Variants in SMYD3 observed in about 807,000 individuals in gnomAD.
SMYD3 encodes SET and MYND domain containing 3.
In SMYD3, 36 loss-of-function variants were observed where a neutral mutation model predicts 57.7. That is an observed-to-expected ratio of 0.62 (90% confidence interval 0.48 to 0.82). SMYD3 has a LOEUF of 0.82. SMYD3 is among the 40% of genes least tolerant of loss of function. The probability of loss-of-function intolerance (pLI) is 0.00; values close to 1 mark genes in which losing one functional copy is unlikely to be tolerated. For synonymous variants in SMYD3, 211 were observed against 195.0 expected, an observed-to-expected ratio of 1.08 and a Z score of -0.68; for missense variants, 515 against 538.8, an observed-to-expected ratio of 0.96 and a Z score of 0.44.
At chr1:246,481,784 T>TATAG (rs1429243602) in intron 1 of SMYD3, among the ~76,000 whole-genome samples, 4 of 147,638 alleles carry the variant, frequency 2.7e-5, no homozygotes, top group African/African-American at 1.0e-4. Context: ...TATATATATA[T>TATAG]AGAGAGAGAG....
chr1:246,220,169 T>TA (rs1224422241), intron 5 of SMYD3, among the ~76,000 whole-genome samples: 2 of 152,166 alleles, frequency 1.3e-5, no homozygotes, highest in African/African-American at 4.8e-5. Context: ...AAATGGACAC[T>TA]ACCTCCTTCC....
chr1:246,102,755 A>AAT (rs1553289394), intron 5 of SMYD3, among the ~76,000 whole-genome samples: 2,063 of 146,928 alleles, frequency 0.014, 49 homozygotes, highest in African/African-American at 0.049. Flanking sequence ...AAAAAAAAAA[A>AAT]AATAATAATA....
intron 5 of SMYD3, among the ~76,000 whole-genome samples, chr1:246,323,703 T>G (rs1572379804): frequency 6.6e-6 from 1 of 152,120 alleles, no homozygotes. Flanking sequence ...TAGATAATTT[T>G]GAGATTTAGA....
At chr1:245,810,111 G>A (rs901693343) in intron 10 of SMYD3, among the ~76,000 whole-genome samples, 30 of 152,154 alleles carry the variant, frequency 2.0e-4, no homozygotes, top group African/African-American at 4.8e-5. Context: ...TGGGCAGGAG[G>A]CGGCCTTGTC....
intron 1 of SMYD3, among the ~76,000 whole-genome samples, chr1:246,427,515 G>A (rs1214025625): frequency 9.1e-5 from 8 of 87,870 alleles, no homozygotes; most frequent in East Asian, 7.1e-4. Flanking sequence ...GCGAGACTCC[G>A]TCTCAAAAAA....
At chr1:246,278,512 C>A (rs543506567) in intron 5 of SMYD3, among the ~76,000 whole-genome samples, 157 of 152,302 alleles carry the variant, frequency 1.0e-3, no homozygotes, top group African/African-American at 3.4e-3. Context: ...GGGGAAAGCC[C>A]TACCTGAGAA....
At chr1:246,283,766 C>T (rs527482790) in intron 5 of SMYD3, among the ~76,000 whole-genome samples, 85 of 152,304 alleles carry the variant, frequency 5.6e-4, no homozygotes, top group Non-Finnish European at 1.0e-3. Flanking sequence ...CCAGGATCTG[C>T]TTGCAGTATC....
intron 5 of SMYD3, among the ~76,000 whole-genome samples, chr1:246,107,212 G>T (rs180686986): frequency 2.8e-4 from 43 of 151,646 alleles, no homozygotes; most frequent in Non-Finnish European, 3.5e-4. Context: ...GTGTGAACCT[G>T]GGAGGCGGAG....
intron 5 of SMYD3, among the ~76,000 whole-genome samples, chr1:246,001,930 G>A (rs115371890): frequency 6.6e-6 from 1 of 152,126 alleles, no homozygotes; most frequent in East Asian, 1.9e-4. Context: ...TTCTCCGGCC[G>A]CCAGTCTTCC....
intron 10 of SMYD3, among the ~76,000 whole-genome samples, chr1:245,855,147 G>C (rs1476212894): frequency 2.6e-5 from 4 of 152,140 alleles, no homozygotes; most frequent in African/African-American, 4.8e-5. Context: ...TCTCGCAACA[G>C]AAATGAACAG....
chr1:246,410,236 C>G (rs1267826810), intron 1 of SMYD3, among the ~76,000 whole-genome samples: 6 of 152,152 alleles, frequency 3.9e-5, no homozygotes, highest in Admixed American at 1.3e-4. Flanking sequence ...AGAGGGCATC[C>G]CTCTCTTTTG....
chr1:246,055,189 A>C (rs1289478203), intron 5 of SMYD3, among the ~76,000 whole-genome samples: 1 of 152,060 alleles, frequency 6.6e-6, no homozygotes, highest in Non-Finnish European at 1.5e-5. Context: ...AAAAAACAAA[A>C]AAAAAAACAA....
At chr1:246,065,095 T>A (rs957651409) in intron 5 of SMYD3, among the ~76,000 whole-genome samples, 1 of 152,242 alleles carries the variant, frequency 6.6e-6, no homozygotes, top group Admixed American at 6.5e-5. Flanking sequence ...CCCAAAGAGA[T>A]GAGAACACTG....
chr1:246,154,902 T>C (rs1448617379), intron 5 of SMYD3, among the ~76,000 whole-genome samples: 1 of 151,894 alleles, frequency 6.6e-6, no homozygotes, highest in Non-Finnish European at 1.5e-5. Context: ...CTGCCTCAGC[T>C]TCATAAGAAG....
intron 5 of SMYD3, among the ~76,000 whole-genome samples, chr1:246,309,549 T>G (rs1043660603): frequency 1.3e-5 from 2 of 152,204 alleles, no homozygotes; most frequent in Non-Finnish European, 2.9e-5. Flanking sequence ...TCATACTCTG[T>G]GTCTACTGTG....
chr1:246,394,315 C>T (rs564141930), intron 1 of SMYD3, among the ~76,000 whole-genome samples: 3 of 152,288 alleles, frequency 2.0e-5, no homozygotes, highest in East Asian at 1.9e-4. Flanking sequence ...CACCAATATA[C>T]ACTGTGAGAG....
chr1:246,343,703 C>CAGA (rs1275463954), intron 2 of SMYD3, among the ~76,000 whole-genome samples: 2 of 152,158 alleles, frequency 1.3e-5, no homozygotes, highest in Non-Finnish European at 2.9e-5. Context: ...GGTTAATGTA[C>CAGA]AGAATCTTGT....
At chr1:246,063,095 G>A (rs1421751079) in intron 5 of SMYD3, among the ~76,000 whole-genome samples, 2 of 152,082 alleles carry the variant, frequency 1.3e-5, no homozygotes. Flanking sequence ...AGACTCTCAG[G>A]GCTCGGCACA....
chr1:245,822,097 C>T (rs1054904641), intron 10 of SMYD3, among the ~76,000 whole-genome samples: 8 of 152,032 alleles, frequency 5.3e-5, no homozygotes, highest in African/African-American at 1.2e-4. Context: ...CACATGCACA[C>T]GTATGTTTAT....
Sources: allele counts gnomAD v4.1 joint callset (sites outside exome capture counted in the v4.1 genomes callset), GRCh38; gene constraint gnomAD v4.1.1; transcripts MANE v1.5; gene names NCBI Gene and HGNC (gene_info 2026-07-23, HGNC 2026-07-21).